The following CREB5 variants were observed in gnomAD, a reference collection of about 807,000 sequenced individuals.
The protein encoded by CREB5 is cAMP responsive element binding protein 5.
In CREB5, 19 loss-of-function variants were observed where a neutral mutation model predicts 57.1. The ratio of observed to expected loss-of-function variants is 0.33; its 90% CI spans 0.23 to 0.49. The LOEUF is 0.49. Among genes scored for constraint, CREB5 ranks in the 20% least tolerant of loss-of-function variants. The pLI is 0.99. For missense variants in CREB5, 579 were observed against 671.6 expected (o/e 0.86, Z 1.52); for synonymous variants, 238 against 238.3 (o/e 1.00, Z 0.01).
intron 1 of CREB5, among the ~76,000 whole-genome samples, chr7:28,389,014 G>A (rs1787161320): frequency 6.6e-6 from 1 of 152,178 alleles, no homozygotes; most frequent in Admixed American, 6.5e-5. Flanking sequence ...TAAGTTTGAA[G>A]CCGAACCACT....
intron 7 of CREB5, among the ~76,000 whole-genome samples, chr7:28,756,644 C>A (rs1805328616): frequency 6.6e-6 from 1 of 151,992 alleles, no homozygotes; most frequent in African/African-American, 2.4e-5. Context: ...TAGAAATCTT[C>A]CAGAAGTGTG....
At chr7:28,348,057 C>T (rs755646831) in intron 1 of CREB5, among the ~76,000 whole-genome samples, 1 of 152,058 alleles carries the variant, frequency 6.6e-6, no homozygotes, top group African/African-American at 2.4e-5. Context: ...GAAGTGCTGT[C>T]CTGGGTTGGG....
chr7:28,606,337 A>G (rs529917142), intron 5 of CREB5, among the ~76,000 whole-genome samples: 1 of 151,978 alleles, frequency 6.6e-6, no homozygotes, highest in Non-Finnish European at 1.5e-5. Context: ...TTTATTTACA[A>G]TTTTACAATT....
At chr7:28,722,935 A>G (rs1384400442) in intron 6 of CREB5, among the ~76,000 whole-genome samples, 1 of 152,176 alleles carries the variant, frequency 6.6e-6, no homozygotes, top group Non-Finnish European at 1.5e-5. Flanking sequence ...CACAACAGAA[A>G]TTGCAGTCAT....
intron 5 of CREB5, among the ~76,000 whole-genome samples, chr7:28,658,953 G>GTATATATATATATATATATATATATATA (rs72106956): frequency 3.0e-5 from 3 of 99,602 alleles, no homozygotes; most frequent in Non-Finnish European, 4.5e-5. Flanking sequence ...GTGTGTGTGT[G>GTATATATATATATATATATATATATATA]TATATATATA....
intron 1 of CREB5, among the ~76,000 whole-genome samples, chr7:28,474,164 T>C (rs916121414): frequency 1.3e-5 from 2 of 152,158 alleles, no homozygotes; most frequent in Admixed American, 1.3e-4. Flanking sequence ...AGCTACTTTT[T>C]TGGAACTTTC....
intron 1 of CREB5, among the ~76,000 whole-genome samples, chr7:28,474,384 C>T (rs1790971554): frequency 6.6e-6 from 1 of 152,074 alleles, no homozygotes; most frequent in Non-Finnish European, 1.5e-5. Context: ...GGGATGTGCC[C>T]CGTGGGGCTG....
rs746247562 is a variant in CREB5, at chr7:28,819,098, CT to C, written c.1364-9del. 1.7e-5 allele frequency: 27 copies of C among 1,593,978 alleles called. No individual in the cohort carries two copies. The highest frequency in any genetic ancestry group is 1.4e-4 in the East Asian group (6 of 44,390). On this transcript the variant is annotated splice_polypyrimidine_tract_variant and intron_variant, in intron 10 of 10. Coordinates refer to ENST00000357727, the MANE Select transcript of CREB5 (RefSeq NM_182898.4). ...GTGTGTGTGTATGTGTGTGTGTTGT[CT>C]TTTTTTTTCTCCCTAGGTCCAGAGA... is the stretch of plus-strand genomic sequence containing the variant.
intron 7 of CREB5, among the ~76,000 whole-genome samples, chr7:28,751,160 C>T (rs908344061): frequency 2.1e-5 from 3 of 141,120 alleles, no homozygotes; most frequent in South Asian, 2.2e-4. Context: ...GCCTGGGAAG[C>T]GTCAGGAAGC....
chr7:28,671,768 T>C (rs1189336869), intron 5 of CREB5, among the ~76,000 whole-genome samples: 1 of 152,224 alleles, frequency 6.6e-6, no homozygotes, highest in Non-Finnish European at 1.5e-5. Context: ...CTGTGTGACC[T>C]TGGGCAAGTT....
intron 1 of CREB5, among the ~76,000 whole-genome samples, chr7:28,312,892 C>T (rs1785307724): frequency 6.6e-6 from 1 of 152,056 alleles, no homozygotes; most frequent in East Asian, 1.9e-4. Flanking sequence ...GTTTCTCATT[C>T]CAAAAAGAAA....
intron 1 of CREB5, among the ~76,000 whole-genome samples, chr7:28,422,714 T>C (rs1160223948): frequency 1.3e-5 from 2 of 152,202 alleles, no homozygotes; most frequent in African/African-American, 2.4e-5. Flanking sequence ...ATACATTACA[T>C]GTATTAAGCT....
intron 5 of CREB5, among the ~76,000 whole-genome samples, chr7:28,705,773 C>T (rs1369082769): frequency 6.6e-6 from 1 of 152,166 alleles, no homozygotes; most frequent in African/African-American, 2.4e-5. Context: ...TGCAGGGCCA[C>T]CAGGGAAGAG....
rs1412438997 is a variant in CREB5 at position 28,634,200 on chromosome 7, G to A, written c.464+63663G>A. ...GAGCTTTAATCTGCCCATCCAGCCT[G>A]TCTGTAAACAGCAACTGGCATGTCT... On this transcript the variant is annotated intron_variant, in intron 5 of 10. Coordinates refer to ENST00000357727, the MANE Select transcript of CREB5 (RefSeq NM_182898.4). 2.0e-5 allele frequency among the ~76,000 whole-genome samples: 3 copies of A among 152,218 alleles called. No homozygotes were observed. The East Asian group carries it at 5.8e-4, about 29-fold the overall frequency.
Position 28,364,579 on chromosome 7 carries a change from C to T in CREB5, c.-25+65138C>T, listed in dbSNP as rs140607901. 8.5e-5 allele frequency among the ~76,000 whole-genome samples: 13 copies of T among 152,290 alleles called. No homozygotes were observed. The East Asian group carries it at 2.3e-3, about 27-fold the overall frequency. On this transcript the variant is annotated intron_variant, in intron 1 of 9. Transcript: ENST00000396299. ...CAAGCCTCCTGGGCCCTCCATCATGCTCCAGACCCCCTCCAGTGTTCTTCC... is the reference window on the plus strand; with the variant it reads ...CAAGCCTCCTGGGCCCTCCATCATGTTCCAGACCCCCTCCAGTGTTCTTCC...
At chr7:28,448,775 A>G (rs1290271808) in intron 1 of CREB5, among the ~76,000 whole-genome samples, 3 of 152,250 alleles carry the variant, frequency 2.0e-5, no homozygotes, top group Non-Finnish European at 4.4e-5. Flanking sequence ...ATCCAGGAAC[A>G]TGGGCCCTGG....
At chr7:28,401,461 C>T (rs1360394204) in intron 1 of CREB5, among the ~76,000 whole-genome samples, 2 of 151,780 alleles carry the variant, frequency 1.3e-5, no homozygotes, top group Admixed American at 6.6e-5. Flanking sequence ...AGGTACGCAA[C>T]GTACAGGTTT....
At chr7:28,710,308 A>G (rs139139421) in intron 5 of CREB5, among the ~76,000 whole-genome samples, 1 of 152,280 alleles carries the variant, frequency 6.6e-6, no homozygotes, top group African/African-American at 2.4e-5. Context: ...TGGAATGTCC[A>G]TTGTTAGAGT....
chr7:28,308,900 G>A (rs902460284), intron 1 of CREB5, among the ~76,000 whole-genome samples: 6 of 152,222 alleles, frequency 3.9e-5, no homozygotes, highest in Non-Finnish European at 5.9e-5. Flanking sequence ...GGATATTTCT[G>A]TGAGGGTGTT....
Sources: gnomAD v4.1 joint callset for allele counts (sites outside exome capture counted in the v4.1 genomes callset) on GRCh38, gnomAD v4.1.1 for gene constraint, MANE v1.5 for transcripts, NCBI Gene and HGNC (gene_info 2026-07-23, HGNC 2026-07-21) for gene names.